The following GTF3C1 variants were observed in gnomAD, a reference collection of about 807,000 sequenced individuals.
GTF3C1 encodes general transcription factor 3C polypeptide 1.
In GTF3C1, 57 loss-of-function variants were observed where a neutral mutation model predicts 226.7. The ratio of observed to expected loss-of-function variants is 0.25; its 90% CI spans 0.20 to 0.31. The LOEUF (loss-of-function observed/expected upper bound fraction) is 0.31. Ranked by LOEUF, GTF3C1 falls within the 10% of genes least tolerant of loss-of-function variation. GTF3C1 has a pLI of 1.00. For missense variants in GTF3C1, 2,217 were observed against 2,776.1 expected, an observed-to-expected ratio of 0.80 and a Z score of 4.53; for synonymous variants, 1,090 against 1,084.8, an observed-to-expected ratio of 1.00 and a Z score of -0.09.
At chr16:27,472,015 T>TATAA (rs2087879561) in intron 29 of GTF3C1, 95 bp from the exon 30 acceptor site, 2 of 1,100,676 alleles carry the variant, frequency 1.8e-6, no homozygotes, top group Admixed American at 2.0e-5. Context: ...TGATGCTTTA[T>TATAA]AGAGGAAGTG....
chr16:27,531,105 G>A (rs2088910136), intron 5 of GTF3C1, among the ~76,000 whole-genome samples: 1 of 152,124 alleles, frequency 6.6e-6, no homozygotes, highest in Non-Finnish European at 1.5e-5. Flanking sequence ...TCAGTCTCCC[G>A]AGTAGCTGGA....
Position 27,470,009 on chromosome 16 carries a change from C to T in GTF3C1, c.4814+99G>A, listed in dbSNP as rs1350760134. 3.1e-6 allele frequency: 3 copies of T among 953,486 alleles called. No individual in the cohort carries two copies. The highest frequency in any genetic ancestry group is 3.3e-5 in the African/African-American group (2 of 60,820). 59.1% of individuals were successfully genotyped at this position (953,486 alleles called of 1,614,324 possible). A position where few individuals can be genotyped will look rare whatever the true frequency, so the allele number is the denominator to read the frequency against. On this transcript the variant is annotated intron_variant, in intron 31 of 36. Transcript: ENST00000356183. This position sits in a 1 kb window ranked among gnomAD's most constrained non-coding sequence, Gnocchi z 4.9. The stretch of plus-strand genomic sequence containing the variant: ...CAGTCACTCATCTGCAACTCCCATC[C>T]CACAAGCTCCCAGAAGGCACTGCTG...
chr16:27,480,799 T>G (rs1416093049), intron 27 of GTF3C1: 1 of 396,776 alleles, frequency 2.5e-6, no homozygotes, highest in African/African-American at 2.0e-5. Flanking sequence ...ACATAGGAAT[T>G]TCCTCAAAGG....
chr16:27,526,442 G>A (rs2141434813), intron 6 of GTF3C1, among the ~76,000 whole-genome samples: 1 of 152,306 alleles, frequency 6.6e-6, no homozygotes, highest in African/African-American at 2.4e-5. Flanking sequence ...TAGAGACAAT[G>A]CCAGACTTCT....
rs546942959 is a variant in GTF3C1 at position 27,513,264 on chromosome 16, G to C, written c.974-1363C>G. On this transcript the variant is annotated intron_variant, in intron 6 of 36. Coordinates refer to ENST00000356183, the MANE Select transcript of GTF3C1 (RefSeq NM_001520.4). ...AGCCCAGGAGTTTGACACCAGCCTT[G>C]GCAGCACAGCAAGACCCAACTCTAC... 4.6e-4 allele frequency among the ~76,000 whole-genome samples: 70 copies of C among 152,224 alleles called. 1 individual carries two copies. The highest frequency in any genetic ancestry group is 1.7e-3 in the African/African-American group (69 of 41,538).
chr16:27,534,848 T>A (rs944421288), intron 4 of GTF3C1, among the ~76,000 whole-genome samples: 1 of 151,572 alleles, frequency 6.6e-6, no homozygotes, highest in African/African-American at 2.4e-5. Context: ...ATACACAGAT[T>A]TTTTTTTTCA....
At chr16:27,482,275 G>A (rs187465414) in intron 26 of GTF3C1, among the ~76,000 whole-genome samples, 1 of 152,272 alleles carries the variant, frequency 6.6e-6, no homozygotes, top group Non-Finnish European at 1.5e-5. Flanking sequence ...CAGGAACCTG[G>A]GAGCCTGATG....
At position 27,471,446 on chromosome 16, in the gene GTF3C1, C is replaced by A; in HGVS notation, c.4526+302G>T. ...GGCTATGCTGGAACAGGAGGGTGGA[C>A]TTCCAGCCAGGCCAATTATTAAATG... On this transcript the variant is annotated intron_variant, in intron 30 of 36. Coordinates refer to ENST00000356183, the MANE Select transcript of GTF3C1 (RefSeq NM_001520.4). This position sits in a 1 kb window ranked among gnomAD's most constrained non-coding sequence, Gnocchi z 5.0. The A allele has an allele frequency of 3.0e-6, 1 of 335,012 alleles. No individual in the cohort carries two copies. Among genetic ancestry groups the A allele is most frequent in the Non-Finnish European group, 5.6e-6 (1 of 177,514 alleles). 20.8% of individuals were successfully genotyped at this position (335,012 alleles called of 1,614,324 possible).
chr16:27,482,968 G>T, intron 26 of GTF3C1, 76 bp downstream of exon 26: 1 of 1,233,392 alleles, frequency 8.1e-7, no homozygotes, highest in Non-Finnish European at 1.2e-6. Context: ...GGCACTGTGG[G>T]ATGAGAGGAG....
At chr16:27,547,932 A>T (rs1295711637) in intron 1 of GTF3C1, among the ~76,000 whole-genome samples, 2 of 152,058 alleles carry the variant, frequency 1.3e-5, no homozygotes, top group African/African-American at 4.8e-5. Flanking sequence ...AGGTTAAAAG[A>T]CTTGATTCCA....
chr16:27,549,278 A>G (rs1314649623), intron 1 of GTF3C1, among the ~76,000 whole-genome samples: 1 of 152,168 alleles, frequency 6.6e-6, no homozygotes, highest in Non-Finnish European at 1.5e-5. Context: ...TCTGCACCGA[A>G]TGAATATACC....
intron 5 of GTF3C1, among the ~76,000 whole-genome samples, chr16:27,530,843 G>A (rs558946098): frequency 3.9e-5 from 6 of 152,296 alleles, no homozygotes; most frequent in South Asian, 2.1e-4. Context: ...CTGCCTTTGC[G>A]CTGCCTCAGT....
rs1377783597 is a variant in GTF3C1 at position 27,492,582 on chromosome 16, C to G, written c.2973+35G>C. The G allele has an allele frequency of 1.9e-6, 3 of 1,548,222 alleles. No homozygotes were observed. In the Admixed American group the frequency reaches 5.0e-5, roughly 26 times the overall value. ...GGCTGCTTGGAGACCGTTTAACAAT[C>G]AGAATTTCCTTCGTTTGGGCTTGAG... On this transcript the variant is annotated intron_variant, in intron 18 of 36. Coordinates refer to ENST00000356183, the MANE Select transcript of GTF3C1 (RefSeq NM_001520.4). This position sits in a 1 kb window ranked among gnomAD's most constrained non-coding sequence, Gnocchi z 5.0.
intron 28 of GTF3C1, among the ~76,000 whole-genome samples, chr16:27,476,749 A>C (rs554690562): frequency 1.3e-5 from 2 of 152,366 alleles, no homozygotes; most frequent in African/African-American, 4.8e-5. Flanking sequence ...TTTAGTAGAT[A>C]GGGGGTGACC....
chr16:27,474,842 T>C (rs564729043), intron 29 of GTF3C1, among the ~76,000 whole-genome samples: 1 of 152,342 alleles, frequency 6.6e-6, no homozygotes, highest in East Asian at 1.9e-4. Context: ...GTTCAAGGGA[T>C]GCACAGCAAG....
Position 27,462,438 on chromosome 16 carries a change from A to G in GTF3C1, c.5973T>C (p.Asp1991=). 3 of 1,613,672 alleles carry G rather than the reference A, an allele frequency of 1.9e-6. No homozygotes were observed. Among genetic ancestry groups the G allele is most frequent in the South Asian group, 2.2e-5 (2 of 91,032 alleles). The change falls in exon 36 of 37, where the codon GAT becomes GAC. Residue 1991 remains aspartate, a synonymous_variant. Coordinates refer to ENST00000356183, the MANE Select transcript of GTF3C1 (RefSeq NM_001520.4). This position sits in a 1 kb window ranked among gnomAD's most constrained non-coding sequence, Gnocchi z 4.5. ...CFIGRPWRVV[D]GHLNLPVCKG... ...TGCATACAGGAAGGTTCAGGTGGCC[A>G]TCCACGACACGCCACGGCCGGCCGA...
rs369568975 is a variant in GTF3C1 at position 27,534,667 on chromosome 16, G to C, written c.753-1280C>G. Reference sequence around the variant, plus strand: ...TCTCCTACCCCACAGCTGCCACCCTGTGTTCTTGGGCTGAGCACAAGCTAT... The same window carrying C: ...TCTCCTACCCCACAGCTGCCACCCTCTGTTCTTGGGCTGAGCACAAGCTAT... On this transcript the variant is annotated intron_variant, in intron 4 of 36. Coordinates refer to ENST00000356183, the MANE Select transcript of GTF3C1 (RefSeq NM_001520.4). 2.6e-5 allele frequency among the ~76,000 whole-genome samples: 4 copies of C among 152,222 alleles called. No individual in the cohort carries two copies. In the East Asian group the frequency reaches 7.7e-4, roughly 29 times the overall value.
chr16:27,549,542 C>T, intron 1 of GTF3C1, 128 bp downstream of exon 1: 1 of 640,908 alleles, frequency 1.6e-6, no homozygotes, highest in Non-Finnish European at 2.7e-6. Flanking sequence ...ACCGCCGTGC[C>T]CCAACTCAAT....
At chr16:27,472,171 G>C (rs1194021661) in intron 29 of GTF3C1, among the ~76,000 whole-genome samples, 1 of 152,190 alleles carries the variant, frequency 6.6e-6, no homozygotes, top group Non-Finnish European at 1.5e-5. Flanking sequence ...ACAAAGGACA[G>C]GGAACTGACG....
Sources: allele counts gnomAD v4.1 joint callset (sites outside exome capture counted in the v4.1 genomes callset), GRCh38; gene constraint gnomAD v4.1.1; non-coding constraint Gnocchi (gnomAD v3.1); transcripts MANE v1.5; gene names NCBI Gene and HGNC (gene_info 2026-07-23, HGNC 2026-07-21).